Variants in CD96 observed in about 807,000 individuals in gnomAD.
CD96 encodes T-cell surface protein tactile.
A neutral mutation model predicts 71.3 loss-of-function variants in CD96; 70 were observed. The ratio of observed to expected loss-of-function variants is 0.98; its 90% CI spans 0.81 to 1.20. The LOEUF (loss-of-function observed/expected upper bound fraction) is 1.20, where lower values mean the gene tolerates loss of function less well. Ranked by LOEUF, CD96 falls within the 50% of genes most tolerant of loss-of-function variation. The pLI is 0.00. For synonymous variants in CD96, 248 were observed against 233.0 expected, an observed-to-expected ratio of 1.06 and a Z score of -0.59; for missense variants, 742 against 677.5, an observed-to-expected ratio of 1.10 and a Z score of -1.06.
intron 10 of CD96, among the ~76,000 whole-genome samples, chr3:111,635,330 CA>C (rs964526271): frequency 9.9e-5 from 15 of 152,238 alleles, no homozygotes; most frequent in African/African-American, 3.6e-4. Flanking sequence ...AAAAACAAAA[CA>C]AAAAACCTCA....
chr3:111,619,731 T>C (rs1191880517), intron 8 of CD96, among the ~76,000 whole-genome samples: 1 of 152,166 alleles, frequency 6.6e-6, no homozygotes, highest in African/African-American at 2.4e-5. Flanking sequence ...GGAATGCAAA[T>C]AAAATTTTTT....
Position 111,640,566 on chromosome 3 carries a change from G to C in CD96, c.1477+2398G>C, listed in dbSNP as rs189552366. ...TTCTAAAAGCCTGGAAAACATATTTGGGGGATAATCAAGGAAAACTTCCCC... is the reference window on the plus strand; with the variant it reads ...TTCTAAAAGCCTGGAAAACATATTTCGGGGATAATCAAGGAAAACTTCCCC... On this transcript the variant is annotated intron_variant, in intron 12 of 13. Coordinates refer to ENST00000352690, the MANE Select transcript of CD96 (RefSeq NM_005816.5). Among the ~76,000 whole-genome samples, 4 of 152,296 alleles carry C rather than the reference G, an allele frequency of 2.6e-5. No individual in the cohort carries two copies. The East Asian group carries it at 7.7e-4, about 29-fold the overall frequency.
chr3:111,569,853 C>T (rs1267556204), intron 3 of CD96, among the ~76,000 whole-genome samples: 4 of 152,314 alleles, frequency 2.6e-5, no homozygotes, highest in African/African-American at 9.6e-5. Context: ...ATCGCTACCC[C>T]CAATCCAGAT....
chr3:111,579,669 A>G (rs2107585886), intron 4 of CD96, among the ~76,000 whole-genome samples: 1 of 152,188 alleles, frequency 6.6e-6, no homozygotes, highest in Non-Finnish European at 1.5e-5. Context: ...AGAGTTTGCT[A>G]ATGTGCTAAC....
At chr3:111,588,435 G>C (rs953145828) in intron 5 of CD96, among the ~76,000 whole-genome samples, 2 of 152,154 alleles carry the variant, frequency 1.3e-5, no homozygotes, top group African/African-American at 2.4e-5. Context: ...CATTCAGCAA[G>C]TCTCTAGGAA....
chr3:111,567,616 T>A lies in CD96; in HGVS notation c.512T>A (p.Ile171Asn). Residue 171 changes from isoleucine (I) to asparagine (N), a missense_variant, in exon 3 of 14, where the codon ATT becomes AAT. Ile to Asn is a moderately radical substitution (Grantham distance 149, BLOSUM62 -3). Transcript: ENST00000352690. The part of the protein sequence containing the change: ...IPCFQNSSSK[I>N]SSEFTYAWSV... ...TGCTTTCAAAATAGCTCCTCAAAAA[T>A]TTCATCTGAGTTCACCTATGCATGG... is the stretch of plus-strand genomic sequence containing the variant. The A allele has an allele frequency of 2.5e-6, 4 of 1,613,320 alleles. No homozygotes were observed. Among genetic ancestry groups the A allele is most frequent in the Non-Finnish European group, 3.4e-6 (4 of 1,179,272 alleles).
chr3:111,627,142 C>A (rs562464284), intron 10 of CD96, among the ~76,000 whole-genome samples: 2 of 152,314 alleles, frequency 1.3e-5, no homozygotes, highest in African/African-American at 4.8e-5. Flanking sequence ...TAGCCATAAC[C>A]CTGATCCGTT....
chr3:111,660,076 G>C (rs756278479), intron 14 of CD96, among the ~76,000 whole-genome samples: 1 of 152,168 alleles, frequency 6.6e-6, no homozygotes. Context: ...AGTGAAAGAA[G>C]TCAAACTATC....
intron 14 of CD96, among the ~76,000 whole-genome samples, chr3:111,657,912 A>C (rs1443826355): frequency 6.6e-6 from 1 of 152,162 alleles, no homozygotes. Context: ...CTGTGTGTAA[A>C]TGTGCTTGAG....
intron 5 of CD96, among the ~76,000 whole-genome samples, chr3:111,589,909 T>C (rs568671770): frequency 6.6e-6 from 1 of 152,340 alleles, no homozygotes; most frequent in African/African-American, 2.4e-5. Flanking sequence ...TCCACGAGCC[T>C]CAGCTAACTC....
intron 4 of CD96, among the ~76,000 whole-genome samples, chr3:111,579,948 A>G (rs981355684): frequency 6.6e-6 from 1 of 152,258 alleles, no homozygotes; most frequent in Admixed American, 6.5e-5. Context: ...AATATTTCTC[A>G]GAATACTGGA....
At chr3:111,602,641 C>T (rs1937522454) in intron 7 of CD96, among the ~76,000 whole-genome samples, 2 of 152,168 alleles carry the variant, frequency 1.3e-5, no homozygotes, top group African/African-American at 4.8e-5. Flanking sequence ...CCTATTGTTG[C>T]AAGCTCTTAA....
intron 4 of CD96, among the ~76,000 whole-genome samples, chr3:111,580,006 T>A (rs952830607): frequency 7.2e-5 from 11 of 152,236 alleles, no homozygotes; most frequent in African/African-American, 2.7e-4. Context: ...AGTTGTCTAA[T>A]TGTCTTAGTT....
At chr3:111,589,504 A>G (rs1408488675) in intron 5 of CD96, among the ~76,000 whole-genome samples, 1 of 152,244 alleles carries the variant, frequency 6.6e-6, no homozygotes, top group Non-Finnish European at 1.5e-5. Context: ...ATAACCAGCT[A>G]CAGGACATGG....
intron 2 of CD96, among the ~76,000 whole-genome samples, chr3:111,546,996 T>G (rs1260580201): frequency 1.3e-5 from 2 of 148,378 alleles, no homozygotes; most frequent in Non-Finnish European, 3.0e-5. Flanking sequence ...TAAAGAGAAA[T>G]GGAAGACCTA....
intron 3 of CD96, among the ~76,000 whole-genome samples, chr3:111,576,620 TCTTA>T (rs1385409813): frequency 6.6e-6 from 1 of 152,208 alleles, no homozygotes; most frequent in Non-Finnish European, 1.5e-5. Context: ...CTTAAATAAC[TCTTA>T]CTTTGTGTGA....
chr3:111,555,896 A>T (rs1181267934), intron 2 of CD96, among the ~76,000 whole-genome samples: 9 of 152,286 alleles, frequency 5.9e-5, no homozygotes, highest in Admixed American at 5.9e-4. Flanking sequence ...CTCCTGTTTC[A>T]TGTATGTTAC....
At chr3:111,551,501 T>C (rs953484212) in intron 2 of CD96, among the ~76,000 whole-genome samples, 1 of 152,196 alleles carries the variant, frequency 6.6e-6, no homozygotes, top group Admixed American at 6.5e-5. Flanking sequence ...ATTTGTCCCC[T>C]TCAAAATCAT....
intron 7 of CD96, among the ~76,000 whole-genome samples, chr3:111,605,643 A>G (rs1004251569): frequency 2.6e-5 from 4 of 152,158 alleles, no homozygotes; most frequent in Non-Finnish European, 4.4e-5. Flanking sequence ...ATAGTAGTGG[A>G]TCAGAGCTAG....
Sources: allele counts gnomAD v4.1 joint callset (sites outside exome capture counted in the v4.1 genomes callset), GRCh38; gene constraint gnomAD v4.1.1; transcripts MANE v1.5; gene names NCBI Gene and HGNC (gene_info 2026-07-23, HGNC 2026-07-21).